Variants in FAM20C observed in about 807,000 individuals in gnomAD.
FAM20C encodes FAM20C golgi associated secretory pathway kinase.
FAM20C carries 40 observed loss-of-function variants against 51.5 expected under a neutral mutation model. The observed-to-expected ratio is 0.78, with a 90% CI of 0.60 to 1.01. The LOEUF is 1.01. FAM20C is among the 50% of genes least tolerant of loss of function. The pLI, the probability that FAM20C is intolerant of heterozygous loss-of-function variation, is 0.00. For missense variants in FAM20C, 861 were observed against 844.7 expected (o/e 1.02, Z -0.24); for synonymous variants, 406 against 380.6 (o/e 1.07, Z -0.78).
At chr7:245,585 G>A (rs1424130524) in intron 3 of FAM20C, among the ~76,000 whole-genome samples, 4 of 152,216 alleles carry the variant, frequency 2.6e-5, no homozygotes, top group Non-Finnish European at 1.5e-5. Flanking sequence ...CTTGGTGGAG[G>A]AAGCATGCTT....
chr7:192,676 T>G lies in FAM20C; in HGVS notation c.-524T>G, dbSNP rs1431514978. Among the ~76,000 whole-genome samples, 11 of 50,394 alleles carry G rather than the reference T, an allele frequency of 2.2e-4. No individual in the cohort carries two copies. The highest frequency in any genetic ancestry group is 1.3e-3 in the South Asian group (2 of 1,482). 33.1% of individuals were successfully genotyped at this position (50,394 alleles called of 152,430 possible). Reference sequence around the variant, plus strand: ...ACCCCTTCCGCCCTTCGCCCCCCCCTTCCCCCCAGCCCCGGTCTCCCGGGC... The same window carrying G: ...ACCCCTTCCGCCCTTCGCCCCCCCCGTCCCCCCAGCCCCGGTCTCCCGGGC... On this transcript the variant is annotated 5_prime_UTR_variant, in exon 1 of 10. Coordinates refer to ENST00000313766, the MANE Select transcript of FAM20C (RefSeq NM_020223.4).
chr7:210,680 G>A (rs1485494398), intron 3 of FAM20C, among the ~76,000 whole-genome samples: 2 of 152,110 alleles, frequency 1.3e-5, no homozygotes, highest in South Asian at 4.1e-4. Context: ...CCGTCACGCC[G>A]AGCTACGGGA....
intron 3 of FAM20C, among the ~76,000 whole-genome samples, chr7:230,926 G>A (rs896344165): frequency 6.6e-6 from 1 of 152,188 alleles, no homozygotes; most frequent in African/African-American, 2.4e-5. Flanking sequence ...GCTTCAGTGT[G>A]GACCCGCTGC....
chr7:246,870 G>C (rs983489625), intron 4 of FAM20C, among the ~76,000 whole-genome samples: 1 of 152,102 alleles, frequency 6.6e-6, no homozygotes, highest in East Asian at 1.9e-4. Flanking sequence ...AGGTTCCCAC[G>C]CTCCTAATCA....
At chr7:206,513 G>C (rs71516497) in intron 2 of FAM20C, among the ~76,000 whole-genome samples, 1 of 89,656 alleles carries the variant, frequency 1.1e-5, no homozygotes. Flanking sequence ...ACTGTGACGC[G>C]TCTGTCATGG....
intron 5 of FAM20C, among the ~76,000 whole-genome samples, chr7:252,011 G>C (rs1232089976): frequency 6.6e-6 from 1 of 152,238 alleles, no homozygotes; most frequent in African/African-American, 2.4e-5. Flanking sequence ...AGAAGCCTCT[G>C]TGAGCATTTG....
In FAM20C at chr7:260,044, T is replaced by C; in HGVS notation, c.*64T>C. The C allele has an allele frequency of 6.9e-7, 1 of 1,441,400 alleles. No individual in the cohort carries two copies. The highest frequency in any genetic ancestry group is 2.5e-5 in the East Asian group (1 of 39,402). The allele number at this position is 1,441,400 out of a possible 1,614,324, so 89.3% of individuals were successfully genotyped here. ...GGCGCCGGACCTCCCAGCAAGCGCA[T>C]GCGCCCGTCGTGAATTCAGTGAATT... is the stretch of plus-strand genomic sequence containing the variant. On this transcript the variant is annotated 3_prime_UTR_variant, in exon 10 of 10. Coordinates refer to ENST00000313766, the MANE Select transcript of FAM20C (RefSeq NM_020223.4).
intron 5 of FAM20C, among the ~76,000 whole-genome samples, chr7:252,406 T>C (rs1054486224): frequency 1.3e-5 from 2 of 149,894 alleles, no homozygotes; most frequent in African/African-American, 4.9e-5. Context: ...CGACCAAGGA[T>C]GCCAGGTCAT....
At chr7:224,027 G>A (rs1787355751) in intron 3 of FAM20C, among the ~76,000 whole-genome samples, 1 of 149,680 alleles carries the variant, frequency 6.7e-6, no homozygotes, top group Non-Finnish European at 1.5e-5. Flanking sequence ...GGGTCGCACG[G>A]CGGCTGTCCC....
intron 5 of FAM20C, among the ~76,000 whole-genome samples, chr7:249,882 A>G (rs1176204443): frequency 1.3e-5 from 2 of 152,002 alleles, no homozygotes; most frequent in East Asian, 3.9e-4. Context: ...CTCTGGGGAC[A>G]CTCTCCTACC....
At chr7:211,763 T>A (rs1391551686) in intron 3 of FAM20C, among the ~76,000 whole-genome samples, 2 of 152,270 alleles carry the variant, frequency 1.3e-5, no homozygotes, top group Admixed American at 1.3e-4. Flanking sequence ...TTGGGGAAAC[T>A]GAGGCCCGGA....
chr7:253,298 C>T (rs998426035), intron 5 of FAM20C, among the ~76,000 whole-genome samples: 4 of 152,214 alleles, frequency 2.6e-5, no homozygotes, highest in Admixed American at 1.3e-4. Context: ...TGGGTCAGCC[C>T]CGACACAGTC....
intron 2 of FAM20C, among the ~76,000 whole-genome samples, chr7:200,554 G>C (rs1233703838): frequency 6.6e-6 from 1 of 152,266 alleles, no homozygotes; most frequent in Non-Finnish European, 1.5e-5. Context: ...CAGCCCCCTA[G>C]CTGCAGGAGT....
At chr7:243,498 A>G (rs866714400) in intron 3 of FAM20C, among the ~76,000 whole-genome samples, 2 of 750 alleles carry the variant, frequency 2.7e-3, no homozygotes, top group Non-Finnish European at 2.6e-3. Context: ...GTGCCACCCA[A>G]GAGACCTGTG....
Position 215,235 on chromosome 7 carries a change from G to C in FAM20C, c.863+6259G>C, listed in dbSNP as rs542222969. ...GAGTTTAGAGGCTCCAGCTGGGGGG[G>C]GGAGCAGGGCCCCTGGTGTATGGAG... On this transcript the variant is annotated intron_variant, in intron 3 of 9. Transcript: ENST00000313766. Among the ~76,000 whole-genome samples the C allele has an allele frequency of 3.0e-3, 383 of 129,430 alleles. 15 individuals are homozygous for C. Among genetic ancestry groups the C allele is most frequent in the African/African-American group, 9.9e-3 (362 of 36,408 alleles). 84.9% of individuals were successfully genotyped at this position (129,430 alleles called of 152,430 possible). A position where few individuals can be genotyped will look rare whatever the true frequency, so the allele number is the denominator to read the frequency against.
At position 251,178 on chromosome 7, in the gene FAM20C, C is replaced by G. The variant is rs530952800; in HGVS notation, c.1072+2748C>G. 9.8e-3 allele frequency among the ~76,000 whole-genome samples: 1,398 copies of G among 142,288 alleles called. 1 individual carries two copies. Among genetic ancestry groups the G allele is most frequent in the Middle Eastern group, 0.015 (4 of 268 alleles). The allele number at this position is 142,288 out of a possible 152,430, so 93.3% of individuals were successfully genotyped here. A position where few individuals can be genotyped will look rare whatever the true frequency, so the allele number is the denominator to read the frequency against. The stretch of plus-strand genomic sequence containing the variant: ...CCGGGCACGGCGGCTCACGCCTGCA[C>G]TGAGTGGCCGGGCACGGCGGCTCAC... On this transcript the variant is annotated intron_variant, in intron 5 of 9. Coordinates refer to ENST00000313766, the MANE Select transcript of FAM20C (RefSeq NM_020223.4).
intron 3 of FAM20C, among the ~76,000 whole-genome samples, chr7:216,917 G>T (rs1787010552): frequency 1.3e-5 from 2 of 152,118 alleles, no homozygotes; most frequent in African/African-American, 2.4e-5. Flanking sequence ...CCTGTCTCCG[G>T]GCAGCAGAGC....
At chr7:208,839 A>C in intron 2 of FAM20C, 59 bp from the exon 3 acceptor site, 1 of 1,520,656 alleles carries the variant, frequency 6.6e-7, no homozygotes, top group Non-Finnish European at 8.9e-7. Flanking sequence ...TCGTCCGCAC[A>C]GGAGAAGAAG....
At chr7:209,924 A>C (rs1436950397) in intron 3 of FAM20C, among the ~76,000 whole-genome samples, 1 of 152,206 alleles carries the variant, frequency 6.6e-6, no homozygotes, top group Non-Finnish European at 1.5e-5. Flanking sequence ...CTCTGGACAG[A>C]TGTCCTGGAG....
Sources: gnomAD v4.1 joint callset for allele counts (sites outside exome capture counted in the v4.1 genomes callset) on GRCh38, gnomAD v4.1.1 for gene constraint, MANE v1.5 for transcripts, NCBI Gene and HGNC (gene_info 2026-07-23, HGNC 2026-07-21) for gene names.